PTPRN2: variants seen among roughly 807,000 people sequenced by gnomAD.
PTPRN2 encodes receptor-type tyrosine-protein phosphatase N2.
PTPRN2 carries 74 observed loss-of-function variants against 118.8 expected under a neutral mutation model. The observed-to-expected ratio is 0.62, with a 90% CI of 0.52 to 0.76. PTPRN2 has a LOEUF of 0.76. PTPRN2 is among the 30% of genes least tolerant of loss of function. PTPRN2 has a pLI of 0.00. For synonymous variants in PTPRN2, 641 were observed against 608.0 expected, an observed-to-expected ratio of 1.05 and a Z score of -0.80; for missense variants, 1,481 against 1,394.4, an observed-to-expected ratio of 1.06 and a Z score of -0.99.
rs539015802 is a variant in PTPRN2 at position 158,570,075 on chromosome 7, G to A, written c.112+17483C>T. Among the ~76,000 whole-genome samples, 1 of 152,296 alleles carries A rather than the reference G, an allele frequency of 6.6e-6. No homozygotes were observed. Among genetic ancestry groups the A allele is most frequent in the East Asian group, 1.9e-4 (1 of 5,142 alleles). On this transcript the variant is annotated intron_variant, in intron 1 of 22. Transcript: ENST00000389418. This position sits in a 1 kb window ranked among gnomAD's most constrained non-coding sequence, Gnocchi z 4.5. ...GCGCGTCCTCCACCCGTTTCCCCCA[G>A]GCAGGGGGAAGCCCCGAGAAGCCGC...
chr7:157,888,057 T>TC (rs1554482909), intron 12 of PTPRN2, among the ~76,000 whole-genome samples: 1 of 150,342 alleles, frequency 6.7e-6, no homozygotes, highest in Non-Finnish European at 1.5e-5. Context: ...CACGCTGTCT[T>TC]GGGGGGTGTG....
At chr7:158,566,640 A>G (rs1274564020) in intron 1 of PTPRN2, among the ~76,000 whole-genome samples, 16 of 152,180 alleles carry the variant, frequency 1.1e-4, no homozygotes. Context: ...CTTGTTAGAG[A>G]TGCTATTTTT....
At chr7:158,007,043 T>C (rs562140143) in intron 11 of PTPRN2, among the ~76,000 whole-genome samples, 140 of 152,324 alleles carry the variant, frequency 9.2e-4, no homozygotes, top group African/African-American at 3.1e-3. Flanking sequence ...CTCCTGAGAC[T>C]GCGCAGGCTG....
Position 157,976,461 on chromosome 7 carries a change from C to G in PTPRN2, c.1724-77724G>C, listed in dbSNP as rs569041776. Among the ~76,000 whole-genome samples the G allele has an allele frequency of 2.0e-5, 3 of 148,662 alleles. No individual in the cohort carries two copies. In the East Asian group the frequency reaches 5.8e-4, roughly 29 times the overall value. On this transcript the variant is annotated intron_variant, in intron 11 of 22. Coordinates refer to ENST00000389418, the MANE Select transcript of PTPRN2 (RefSeq NM_002847.5). ...CATGGGTTAAAATCCAGATGCAAGC[C>G]CCCCCCACCAATTACCCCTTCATTC...
rs538670377 is a variant in PTPRN2, at chr7:157,611,753, G to A, written c.2345-7678C>T. ...GGGGACACGCGGAGGGAGCGCGCCC[G>A]TGTGAAGACGAAGACAGCCGCAGTC... On this transcript the variant is annotated intron_variant, in intron 15 of 22. Coordinates refer to ENST00000389418, the MANE Select transcript of PTPRN2 (RefSeq NM_002847.5). The surrounding 1 kb of genome is among the most constrained non-coding windows in gnomAD (Gnocchi z 5.9). Among the ~76,000 whole-genome samples, 16 of 149,676 alleles carry A rather than the reference G, an allele frequency of 1.1e-4. No homozygotes were observed. Among genetic ancestry groups the A allele is most frequent in the Middle Eastern group, 3.5e-3 (1 of 282 alleles).
intron 12 of PTPRN2, among the ~76,000 whole-genome samples, chr7:157,833,409 C>A (rs529420141): frequency 6.7e-6 from 1 of 150,200 alleles, no homozygotes; most frequent in Non-Finnish European, 1.5e-5. Flanking sequence ...GGGCGCCCAT[C>A]CATCCTGTAT....
chr7:158,489,266 T>C (rs1439162340), intron 2 of PTPRN2, among the ~76,000 whole-genome samples: 1 of 151,974 alleles, frequency 6.6e-6, no homozygotes, highest in Admixed American at 6.6e-5. Flanking sequence ...GCCAACATGG[T>C]GAAACCCTGT....
At chr7:158,139,076 C>T (rs554072233) in intron 6 of PTPRN2, among the ~76,000 whole-genome samples, 32 of 152,206 alleles carry the variant, frequency 2.1e-4, no homozygotes, top group African/African-American at 6.0e-4. Context: ...TAACTGCTGC[C>T]GGAAAAGCCC....
intron 12 of PTPRN2, among the ~76,000 whole-genome samples, chr7:157,884,115 A>T (rs1175402825): frequency 6.6e-6 from 1 of 152,110 alleles, no homozygotes; most frequent in African/African-American, 2.4e-5. Flanking sequence ...CAGAGACCAG[A>T]ACATGCCACC....
At chr7:157,685,531 G>A (rs1296651748) in intron 12 of PTPRN2, among the ~76,000 whole-genome samples, 6 of 152,122 alleles carry the variant, frequency 3.9e-5, no homozygotes, top group African/African-American at 1.4e-4. Context: ...CGGTCACTCG[G>A]GCCAGGTGAG....
At position 157,756,742 on chromosome 7, in the gene PTPRN2, T is replaced by C. The variant is rs1045222792; in HGVS notation, c.1789-73805A>G. Among the ~76,000 whole-genome samples, 15 of 148,218 alleles carry C rather than the reference T, an allele frequency of 1.0e-4. No individual in the cohort carries two copies. The East Asian group carries it at 1.6e-3, about 16-fold the overall frequency. Reference sequence around the variant, plus strand: ...AACATCAGCAGTGTCCTTACCTTCATAGGAATTAAGGCCAAACCATTTATG... The same window carrying C: ...AACATCAGCAGTGTCCTTACCTTCACAGGAATTAAGGCCAAACCATTTATG... On this transcript the variant is annotated intron_variant, in intron 12 of 22. Coordinates refer to ENST00000389418, the MANE Select transcript of PTPRN2 (RefSeq NM_002847.5).
rs1802320769 is a variant in PTPRN2 at position 157,764,301 on chromosome 7, C to T, written c.1789-81364G>A. 1.3e-5 allele frequency among the ~76,000 whole-genome samples: 2 copies of T among 152,176 alleles called. No homozygotes were observed. The highest frequency in any genetic ancestry group is 4.1e-4 in the South Asian group (2 of 4,830). Reference sequence around the variant, plus strand: ...CGCCCATGTTCATAGCAGCAGCGCTCACAGAAGCCAAGAGGTGAGGCCACC... The same window carrying T: ...CGCCCATGTTCATAGCAGCAGCGCTTACAGAAGCCAAGAGGTGAGGCCACC... On this transcript the variant is annotated intron_variant, in intron 12 of 22. Coordinates refer to ENST00000389418, the MANE Select transcript of PTPRN2 (RefSeq NM_002847.5). This position sits in a 1 kb window ranked among gnomAD's most constrained non-coding sequence, Gnocchi z 4.5.
Position 157,953,860 on chromosome 7 carries a change from T to A in PTPRN2, c.1724-55123A>T, listed in dbSNP as rs1800989004. Among the ~76,000 whole-genome samples, 2 of 152,096 alleles carry A rather than the reference T, an allele frequency of 1.3e-5. No individual in the cohort carries two copies. The highest frequency in any genetic ancestry group is 6.5e-5 in the Admixed American group (1 of 15,274). On this transcript the variant is annotated intron_variant, in intron 11 of 22. Coordinates refer to ENST00000389418, the MANE Select transcript of PTPRN2 (RefSeq NM_002847.5). The surrounding 1 kb of genome is among the most constrained non-coding windows in gnomAD (Gnocchi z 4.6). ...CTGGAGAAATGTAAGCAAATCCGCA[T>A]TTCGAAGCAGAAATCGCTGGTTTAA... is the stretch of plus-strand genomic sequence containing the variant.
Position 157,603,890 on chromosome 7 carries a change from G to T in PTPRN2, c.2418+112C>A. ...CAGAGTCGGCCCTGTCCACCGCAGAGACGCTGAGCTGGGTGGGGACGTGAT... is the reference window on the plus strand; with the variant it reads ...CAGAGTCGGCCCTGTCCACCGCAGATACGCTGAGCTGGGTGGGGACGTGAT... On this transcript the variant is annotated intron_variant, in intron 16 of 22. Transcript: ENST00000389418. The surrounding 1 kb of genome is among the most constrained non-coding windows in gnomAD (Gnocchi z 5.4). 9.9e-7 allele frequency: 1 copy of T among 1,009,564 alleles called. No individual in the cohort carries two copies. Among genetic ancestry groups the T allele is most frequent in the South Asian group, 1.5e-5 (1 of 66,564 alleles). The allele number at this position is 1,009,564 out of a possible 1,614,324, so 62.5% of individuals were successfully genotyped here. A position where few individuals can be genotyped will look rare whatever the true frequency, so the allele number is the denominator to read the frequency against.
chr7:157,853,207 A>G (rs897882974), intron 12 of PTPRN2, among the ~76,000 whole-genome samples: 1 of 152,148 alleles, frequency 6.6e-6, no homozygotes, highest in African/African-American at 2.4e-5. Context: ...CCGAGGAGTC[A>G]TGTAGTCATG....
At chr7:158,327,767 C>T (rs1213367047) in intron 2 of PTPRN2, among the ~76,000 whole-genome samples, 23 of 152,202 alleles carry the variant, frequency 1.5e-4, no homozygotes. Flanking sequence ...GGCTGCCTTG[C>T]CAAAGTACCT....
chr7:158,071,406 G>C (rs1811571098), intron 11 of PTPRN2, among the ~76,000 whole-genome samples: 1 of 109,804 alleles, frequency 9.1e-6, no homozygotes, highest in African/African-American at 3.6e-5. Context: ...GCTCGTGGTG[G>C]AGTTGCTCCT....
Position 158,574,067 on chromosome 7 carries a change from CAGTT to C in PTPRN2, c.112+13487_112+13490del, listed in dbSNP as rs1828194942. On this transcript the variant is annotated intron_variant, in intron 1 of 22. Transcript: ENST00000389418. The surrounding 1 kb of genome is among the most constrained non-coding windows in gnomAD (Gnocchi z 4.6). ...ACACATTTTGAAGTGGAAAGCATCA[CAGTT>C]AGACCCACAAGAAGGCAACCAGAAA... Among the ~76,000 whole-genome samples the C allele has an allele frequency of 6.6e-6, 1 of 152,204 alleles. No homozygotes were observed. The highest frequency in any genetic ancestry group is 2.1e-4 in the South Asian group (1 of 4,830).
At chr7:158,146,111 A>C (rs960982681) in intron 6 of PTPRN2, among the ~76,000 whole-genome samples, 7 of 152,134 alleles carry the variant, frequency 4.6e-5, no homozygotes, top group African/African-American at 1.7e-4. Context: ...TCTCCATGAG[A>C]AGCTCTCGCC....
Sources: allele counts gnomAD v4.1 joint callset (sites outside exome capture counted in the v4.1 genomes callset), GRCh38; gene constraint gnomAD v4.1.1; non-coding constraint Gnocchi (gnomAD v3.1); transcripts MANE v1.5; gene names NCBI Gene and HGNC (gene_info 2026-07-23, HGNC 2026-07-21).